Variants in FAM81A observed in about 807,000 individuals in gnomAD.
FAM81A encodes protein FAM81A.
Under a neutral mutation model 46.7 loss-of-function variants are expected in FAM81A, and 19 were observed. The observed-to-expected ratio is 0.41, with a 90% CI of 0.28 to 0.60. The LOEUF (loss-of-function observed/expected upper bound fraction) is 0.60, where lower values mean the gene tolerates loss of function less well. Among genes scored for constraint, FAM81A ranks in the 20% least tolerant of loss-of-function variants. The probability of loss-of-function intolerance (pLI) is 0.34; values close to 1 mark genes in which losing one functional copy is unlikely to be tolerated. For synonymous variants in FAM81A, 183 were observed against 152.9 expected, an observed-to-expected ratio of 1.20 and a Z score of -1.45; for missense variants, 377 against 453.5, an observed-to-expected ratio of 0.83 and a Z score of 1.53.
intron 2 of FAM81A, among the ~76,000 whole-genome samples, chr15:59,431,088 G>A (rs1274232815): frequency 6.6e-6 from 1 of 152,068 alleles, no homozygotes; most frequent in African/African-American, 2.4e-5. Flanking sequence ...TGATGAGGTA[G>A]GCACTATGTT....
chr15:59,484,256 T>C (rs1232912170), intron 3 of FAM81A, among the ~76,000 whole-genome samples: 1 of 152,198 alleles, frequency 6.6e-6, no homozygotes, highest in East Asian at 1.9e-4. Context: ...AATTTCTTCT[T>C]GAACTTAAAT....
At chr15:59,466,947 C>T (rs1228030123) in intron 3 of FAM81A, among the ~76,000 whole-genome samples, 1 of 152,166 alleles carries the variant, frequency 6.6e-6, no homozygotes, top group Non-Finnish European at 1.5e-5. Context: ...TTCCCAGCAC[C>T]ATTTATTAAA....
intron 8 of FAM81A, among the ~76,000 whole-genome samples, chr15:59,519,280 G>A (rs142067408): frequency 1.1e-3 from 166 of 151,278 alleles, no homozygotes; most frequent in African/African-American, 3.7e-3. Context: ...CCTATTCTTC[G>A]CAAGTTCAAG....
At chr15:59,452,701 T>G (rs1021523883) in intron 1 of FAM81A, among the ~76,000 whole-genome samples, 9 of 152,202 alleles carry the variant, frequency 5.9e-5, no homozygotes, top group Non-Finnish European at 1.3e-4. Flanking sequence ...CGTGGAATCA[T>G]GCTCATGATG....
chr15:59,407,291 C>CTTT (rs3053043), intron 2 of FAM81A: 2,227 of 119,612 alleles, frequency 0.019, 92 homozygotes, highest in Non-Finnish European at 0.028. Flanking sequence ...CTTTTCTTTC[C>CTTT]TTTTTTTTTT....
At chr15:59,489,312 TATATAC>T (rs1225729151) in intron 3 of FAM81A, among the ~76,000 whole-genome samples, 1,803 of 149,280 alleles carry the variant, frequency 0.012, 5 homozygotes, top group Middle Eastern at 0.024. Context: ...CATACATACA[TATATAC>T]ATACATACAT....
intron 5 of FAM81A, 52 bp downstream of exon 5, chr15:59,507,394 A>C: frequency 1.9e-6 from 3 of 1,586,966 alleles, no homozygotes; most frequent in Non-Finnish European, 2.6e-6. Flanking sequence ...TTCTTAGCTA[A>C]GAATAACATG....
intron 3 of FAM81A, among the ~76,000 whole-genome samples, chr15:59,489,279 A>T (rs1301628606): frequency 6.7e-6 from 1 of 149,086 alleles, no homozygotes; most frequent in African/African-American, 2.5e-5. Flanking sequence ...ACATACATAC[A>T]TACATACATA....
intron 2 of FAM81A, among the ~76,000 whole-genome samples, chr15:59,428,775 C>T (rs1342040472): frequency 9.9e-5 from 15 of 152,048 alleles, no homozygotes; most frequent in South Asian, 4.2e-4. Flanking sequence ...GAATTAGAGG[C>T]GCAGGCCACC....
At chr15:59,407,131 C>A in intron 2 of FAM81A, 1 of 156,974 alleles carries the variant, frequency 6.4e-6, no homozygotes, top group South Asian at 1.8e-4. Flanking sequence ...GCTTCTTTGT[C>A]TTCCAAGTTA....
At chr15:59,501,135 A>G (rs1221963608) in intron 4 of FAM81A, among the ~76,000 whole-genome samples, 2 of 152,084 alleles carry the variant, frequency 1.3e-5, no homozygotes, top group Admixed American at 6.6e-5. Flanking sequence ...GGTTGTTTGC[A>G]TGTTTATTTG....
At chr15:59,455,448 C>G (rs1016875494) in intron 1 of FAM81A, among the ~76,000 whole-genome samples, 2 of 152,078 alleles carry the variant, frequency 1.3e-5, no homozygotes, top group Admixed American at 1.3e-4. Context: ...GGCAGGTAAG[C>G]CAGAATTAAC....
At chr15:59,450,108 T>TTC (rs1349589963) in intron 1 of FAM81A, among the ~76,000 whole-genome samples, 2 of 148,318 alleles carry the variant, frequency 1.3e-5, no homozygotes, top group African/African-American at 5.0e-5. Flanking sequence ...TCTTTCTTTT[T>TTC]TTTTTTTTTT....
chr15:59,404,319 C>T (rs1393579377), intron 2 of FAM81A, among the ~76,000 whole-genome samples: 1 of 152,122 alleles, frequency 6.6e-6, no homozygotes, highest in African/African-American at 2.4e-5. Context: ...GGAGGAGAGA[C>T]CCATCTCCTC....
intron 2 of FAM81A, among the ~76,000 whole-genome samples, chr15:59,430,374 C>T (rs1315625016): frequency 1.3e-5 from 2 of 149,810 alleles, no homozygotes; most frequent in Admixed American, 1.3e-4. Flanking sequence ...AAGCAATTCT[C>T]CTGCCTCAGC....
In FAM81A at chr15:59,460,556, A is replaced by G. The variant is rs1351199291; in HGVS notation, c.294+350A>G. The G allele has an allele frequency of 2.7e-6, 1 of 375,706 alleles. No homozygotes were observed. The highest frequency in any genetic ancestry group is 5.1e-6 in the Non-Finnish European group (1 of 196,370). 23.3% of individuals were successfully genotyped at this position (375,706 alleles called of 1,614,324 possible). On this transcript the variant is annotated intron_variant, in intron 3 of 8. Transcript: ENST00000288228. The surrounding 1 kb of genome is among the most constrained non-coding windows in gnomAD (Gnocchi z 4.4). The stretch of plus-strand genomic sequence containing the variant: ...ATCTTTGAAGACAGCTATTAAGTCA[A>G]TTACTAAGGTCAGACTCTGTTGCTT...
chr15:59,502,427 G>A (rs976267109), intron 4 of FAM81A, among the ~76,000 whole-genome samples: 18 of 150,824 alleles, frequency 1.2e-4, no homozygotes, highest in Non-Finnish European at 1.9e-4. Flanking sequence ...GAGAATATGC[G>A]GTGTTTGGTA....
At chr15:59,500,494 G>A (rs1339688816) in intron 4 of FAM81A, among the ~76,000 whole-genome samples, 1 of 151,834 alleles carries the variant, frequency 6.6e-6, no homozygotes, top group African/African-American at 2.4e-5. Context: ...TAGAGACAGG[G>A]TCTCACTGTG....
At chr15:59,512,471 CAAAAAAA>C (rs766904849) in intron 6 of FAM81A, among the ~76,000 whole-genome samples, 3 of 13,666 alleles carry the variant, frequency 2.2e-4, no homozygotes, top group Admixed American at 9.8e-4. Context: ...AACTCCATCT[CAAAAAAA>C]AAAAAAAAAA....
Sources: allele counts gnomAD v4.1 joint callset (sites outside exome capture counted in the v4.1 genomes callset), GRCh38; gene constraint gnomAD v4.1.1; non-coding constraint Gnocchi (gnomAD v3.1); transcripts MANE v1.5; gene names NCBI Gene and HGNC (gene_info 2026-07-23, HGNC 2026-07-21).